Variants in USH2A observed in about 807,000 individuals in gnomAD.
USH2A encodes usherin, also known as Usher syndrome 2A (autosomal recessive, mild).
USH2A carries 443 observed loss-of-function variants against 538.9 expected under a neutral mutation model. That is an observed-to-expected ratio of 0.82 (90% CI 0.76 to 0.89). The LOEUF is 0.89. Among genes scored for constraint, USH2A ranks in the 40% least tolerant of loss-of-function variants. The pLI is 0.00. For missense variants in USH2A, 6,633 were observed against 6,324.8 expected (o/e 1.05, Z -1.65); for synonymous variants, 2,413 against 2,273.5 (o/e 1.06, Z -1.75).
At chr1:215,783,615 C>T (rs1416482471) in intron 52 of USH2A, among the ~76,000 whole-genome samples, 1 of 152,174 alleles carries the variant, frequency 6.6e-6, no homozygotes, top group Non-Finnish European at 1.5e-5. Context: ...TCAGTTGTGT[C>T]CCCAAAGTCT....
intron 63 of USH2A, among the ~76,000 whole-genome samples, chr1:215,673,174 A>C (rs951483349): frequency 5.3e-5 from 8 of 152,178 alleles, no homozygotes; most frequent in Admixed American, 3.3e-4. Context: ...TATTTAATAG[A>C]CCCTAAATAA....
At chr1:216,311,410 C>A (rs770633836) in intron 9 of USH2A, among the ~76,000 whole-genome samples, 1 of 152,106 alleles carries the variant, frequency 6.6e-6, no homozygotes, top group Non-Finnish European at 1.5e-5. Context: ...AATGGGGTAA[C>A]GAGTGCTACA....
chr1:216,232,063 GT>G lies in USH2A; in HGVS notation c.2882del (p.His961ProfsTer6). 2 of 1,614,074 alleles carry G rather than the reference GT, an allele frequency of 1.2e-6. No homozygotes were observed. Among genetic ancestry groups the G allele is most frequent in the Non-Finnish European group, 1.7e-6 (2 of 1,179,956 alleles). On this transcript the variant is annotated frameshift_variant, in exon 14 of 72. Coordinates refer to ENST00000307340, the MANE Select transcript of USH2A (RefSeq NM_206933.4). LOFTEE classifies it high-confidence loss of function. ...ACTGACCAGTCAGGCTATTACAGAT[GT>G]GATTAACTGCACCAGTTGTATGGCA... is the stretch of plus-strand genomic sequence containing the variant. ...CSCHTTGAVN[H>X]ICNSLTGQCV...
intron 35 of USH2A, among the ~76,000 whole-genome samples, chr1:215,977,396 A>C (rs1667646690): frequency 6.6e-6 from 1 of 152,156 alleles, no homozygotes; most frequent in South Asian, 2.1e-4. Context: ...CATTTATTTT[A>C]AACAAAGTTT....
chr1:216,385,155 A>T (rs778131413), intron 3 of USH2A, among the ~76,000 whole-genome samples: 3 of 152,166 alleles, frequency 2.0e-5, no homozygotes, highest in African/African-American at 4.8e-5. Flanking sequence ...TAAAGGAAAC[A>T]TCTCTTTCCA....
intron 69 of USH2A, among the ~76,000 whole-genome samples, chr1:215,636,776 A>T (rs1026891663): frequency 2.0e-5 from 3 of 152,010 alleles, no homozygotes; most frequent in African/African-American, 4.8e-5. Context: ...GAATGTTTTT[A>T]AAAAAGTTAC....
At chr1:215,672,609 C>T (rs992787913) in intron 63 of USH2A, among the ~76,000 whole-genome samples, 2 of 152,138 alleles carry the variant, frequency 1.3e-5, no homozygotes, top group Admixed American at 1.3e-4. Context: ...AAATTTTGGG[C>T]TGGATTCCTT....
At position 216,348,012 on chromosome 1, in the gene USH2A, G is replaced by C. The variant is rs533728957; in HGVS notation, c.784+16941C>G. Among the ~76,000 whole-genome samples, 7 of 152,140 alleles carry C rather than the reference G, an allele frequency of 4.6e-5. No individual in the cohort carries two copies. In the South Asian group the frequency reaches 1.0e-3, roughly 23 times the overall value. ...CTGAAGTAATCTTTTAAAACTTTTT[G>C]CTTAAAATGTTGCTGATCCTTTGTT... is the stretch of plus-strand genomic sequence containing the variant. On this transcript the variant is annotated intron_variant, in intron 4 of 71. Coordinates refer to ENST00000307340, the MANE Select transcript of USH2A (RefSeq NM_206933.4).
chr1:216,033,567 G>A (rs74903767), intron 32 of USH2A, among the ~76,000 whole-genome samples: 22,208 of 152,192 alleles, frequency 0.15, 1,717 homozygotes, highest in Middle Eastern at 0.22. Context: ...AAAGTAGATA[G>A]GAGCCAGGTG....
chr1:215,932,021 G>T (rs190521616), intron 38 of USH2A, among the ~76,000 whole-genome samples: 5 of 152,002 alleles, frequency 3.3e-5, no homozygotes, highest in Admixed American at 2.6e-4. Flanking sequence ...ATTTGATGAA[G>T]TAAAAAAGAG....
chr1:215,637,635 G>A (rs1383904774), intron 69 of USH2A, among the ~76,000 whole-genome samples: 1 of 152,154 alleles, frequency 6.6e-6, no homozygotes, highest in Non-Finnish European at 1.5e-5. Context: ...GAAGAATTAA[G>A]TGTTGTAGGA....
At chr1:215,837,292 A>G (rs1349830720) in intron 47 of USH2A, among the ~76,000 whole-genome samples, 1 of 152,008 alleles carries the variant, frequency 6.6e-6, no homozygotes, top group Non-Finnish European at 1.5e-5. Flanking sequence ...TGCACATGTA[A>G]GAGAAGGGTG....
chr1:215,986,032 A>G (rs1402317941), intron 35 of USH2A, among the ~76,000 whole-genome samples: 1 of 152,160 alleles, frequency 6.6e-6, no homozygotes, highest in Non-Finnish European at 1.5e-5. Context: ...AATTAGGAAA[A>G]TATTTCCATA....
chr1:216,151,021 C>T (rs542239539), intron 21 of USH2A, among the ~76,000 whole-genome samples: 134 of 152,248 alleles, frequency 8.8e-4, no homozygotes, highest in Non-Finnish European at 1.7e-3. Context: ...TCCTTGGCTA[C>T]CTTCCCCTTG....
chr1:215,690,731 T>TC (rs1658575021), intron 61 of USH2A, among the ~76,000 whole-genome samples: 1 of 65,786 alleles, frequency 1.5e-5, no homozygotes, highest in Non-Finnish European at 3.7e-5. Context: ...ATTCATTTTC[T>TC]CTTTTTTTTC....
intron 9 of USH2A, among the ~76,000 whole-genome samples, chr1:216,307,445 C>T (rs1232090628): frequency 6.6e-6 from 1 of 152,158 alleles, no homozygotes; most frequent in Non-Finnish European, 1.5e-5. Flanking sequence ...AGTTTATTTC[C>T]AGGCAATGGG....
intron 10 of USH2A, among the ~76,000 whole-genome samples, chr1:216,291,347 C>T (rs1375699024): frequency 6.6e-6 from 1 of 152,192 alleles, no homozygotes; most frequent in Non-Finnish European, 1.5e-5. Context: ...AATCTTTCAA[C>T]TGGTTAACTC....
chr1:216,024,716 A>C (rs1322699590), intron 32 of USH2A, among the ~76,000 whole-genome samples: 1 of 151,966 alleles, frequency 6.6e-6, no homozygotes, highest in African/African-American at 2.4e-5. Flanking sequence ...TGCATCTACT[A>C]TGCATTTTAT....
chr1:216,394,843 C>G (rs1188340427), intron 3 of USH2A, among the ~76,000 whole-genome samples: 3 of 151,370 alleles, frequency 2.0e-5, no homozygotes, highest in Non-Finnish European at 2.9e-5. Flanking sequence ...CTCAGCCTCC[C>G]AAGTAGCTGG....
Sources: allele counts gnomAD v4.1 joint callset (sites outside exome capture counted in the v4.1 genomes callset), GRCh38; gene constraint gnomAD v4.1.1; transcripts MANE v1.5; gene names NCBI Gene and HGNC (gene_info 2026-07-23, HGNC 2026-07-21).